Variants in PREPL observed in about 807,000 individuals in gnomAD.
PREPL encodes the protein prolyl endopeptidase like.
PREPL carries 77 observed loss-of-function variants against 70.6 expected under a neutral mutation model. That is an observed-to-expected ratio of 1.09 (90% confidence interval 0.91 to 1.32). The LOEUF (loss-of-function observed/expected upper bound fraction) is 1.32, where lower values mean the gene tolerates loss of function less well. Ranked by LOEUF, PREPL falls within the 40% of genes most tolerant of loss-of-function variation. The pLI, the probability that PREPL is intolerant of heterozygous loss-of-function variation, is 0.00. For missense variants in PREPL, 1,002 were observed against 778.2 expected (o/e 1.29, Z -3.42); for synonymous variants, 315 against 264.8 (o/e 1.19, Z -1.84).
rs2241870 is a variant in PREPL at position 44,322,065 on chromosome 2, A to G, written c.1754-165T>C. Among the ~76,000 whole-genome samples the G allele has an allele frequency of 0.69, 104,529 of 151,898 alleles. 36,789 individuals carry two copies. Among genetic ancestry groups the G allele is most frequent in the African/African-American group, 0.8 (33,035 of 41,432 alleles). On this transcript the variant is annotated intron_variant, in intron 12 of 13. Coordinates refer to ENST00000409411, the MANE Select transcript of PREPL (RefSeq NM_001171613.2). ...ACAAAAAGATGGGAGGGGACAAGCA[A>G]CAGAAGACAAACTTCTGACACAGCG...
chr2:44,326,504 T>C (rs1025146262), intron 10 of PREPL, among the ~76,000 whole-genome samples: 2 of 151,720 alleles, frequency 1.3e-5, no homozygotes, highest in Non-Finnish European at 2.9e-5. Context: ...GGTTTTTTTT[T>C]TTTTTTAATT....
intron 2 of PREPL, 51 bp from the exon 3 acceptor site, chr2:44,344,637 C>T: frequency 7.5e-7 from 1 of 1,336,204 alleles, no homozygotes; most frequent in Non-Finnish European, 1.0e-6. Flanking sequence ...TTAACCTTTT[C>T]ATAGTCTGAC....
At position 44,343,750 on chromosome 2, in the gene PREPL, C is replaced by T. The variant is rs1377292198; in HGVS notation, c.344G>A (p.Ser115Asn). ...TATTTTGGTTGGTGGCTTACCAAAACTGGACACATTCGGGAAAGAAGCTTC... is the reference window on the plus strand; with the variant it reads ...TATTTTGGTTGGTGGCTTACCAAAATTGGACACATTCGGGAAAGAAGCTTC... ...VMEASFPNVS[S>N]FEWVKDEEDE... The change falls in exon 4 of 14, where the codon AGT becomes AAT. Residue 115 changes from serine (S) to asparagine (N), a missense_variant. Transcript: ENST00000409411. 1 of 1,612,778 alleles carries T rather than the reference C, an allele frequency of 6.2e-7. No individual in the cohort carries two copies. The highest frequency in any genetic ancestry group is 8.5e-7 in the Non-Finnish European group (1 of 1,178,906).
intron 7 of PREPL, among the ~76,000 whole-genome samples, chr2:44,334,545 G>C (rs1674441885): frequency 6.6e-6 from 1 of 151,968 alleles, no homozygotes; most frequent in Non-Finnish European, 1.5e-5. Flanking sequence ...TGCTAAGATA[G>C]AATTTATTTA....
intron 9 of PREPL, 127 bp from the exon 10 acceptor site, chr2:44,327,055 T>A: frequency 1.3e-6 from 1 of 772,954 alleles, no homozygotes; most frequent in Non-Finnish European, 2.1e-6. Context: ...TTTTGCTTTT[T>A]AAAGGTTGAG....
At chr2:44,354,566 C>A (rs1180191703) in intron 1 of PREPL, among the ~76,000 whole-genome samples, 2 of 149,004 alleles carry the variant, frequency 1.3e-5, no homozygotes, top group Non-Finnish European at 2.9e-5. Flanking sequence ...TATATTTATC[C>A]TTTCCTCCTC....
intron 8 of PREPL, among the ~76,000 whole-genome samples, chr2:44,329,997 T>G (rs1367612251): frequency 6.6e-6 from 1 of 152,214 alleles, no homozygotes; most frequent in South Asian, 2.1e-4. Context: ...AAAACTTCAC[T>G]TTGGGGCAAT....
At chr2:44,329,914 G>T (rs74904752) in intron 8 of PREPL, among the ~76,000 whole-genome samples, 5,712 of 152,196 alleles carry the variant, frequency 0.038, 349 homozygotes, top group African/African-American at 0.13. Context: ...TTAAACTAAT[G>T]AAATAGCACC....
rs1672691740 is a variant in PREPL, at chr2:44,319,022, G to A, written c.*2334C>T. 1 of 152,174 alleles carries A rather than the reference G, an allele frequency of 6.6e-6. No homozygotes were observed. The highest frequency in any genetic ancestry group is 1.5e-5 in the Non-Finnish European group (1 of 68,044). The allele number at this position is 152,174 out of a possible 1,614,324, so 9.4% of individuals were successfully genotyped here. A position where few individuals can be genotyped will look rare whatever the true frequency, so the allele number is the denominator to read the frequency against. The stretch of plus-strand genomic sequence containing the variant: ...AACACTTACCGGGCACTTCTTATGT[G>A]AGTGGCACTGAAACATGTGCTTTCA... On this transcript the variant is annotated 3_prime_UTR_variant, in exon 14 of 14. Coordinates refer to ENST00000409411, the MANE Select transcript of PREPL (RefSeq NM_001171613.2).
At chr2:44,350,920 C>T (rs185167588) in intron 1 of PREPL, among the ~76,000 whole-genome samples, 281 of 151,988 alleles carry the variant, frequency 1.8e-3, no homozygotes, top group African/African-American at 6.2e-3. Context: ...CTTCACTGGC[C>T]CTTCCTTCTC....
rs1340727501 is a variant in PREPL, at chr2:44,322,783, A to G, written c.1701T>C (p.Tyr567=). 1.9e-6 allele frequency: 3 copies of G among 1,613,782 alleles called. No homozygotes were observed. The highest frequency in any genetic ancestry group is 1.3e-5 in the African/African-American group (1 of 74,882). The change falls in exon 12 of 14, where the codon TAT becomes TAC. Residue 567 remains tyrosine, a synonymous_variant. Transcript: ENST00000409411. ...ERVPLKGIVS[Y]TEKLKEAIAE... ...CGATGGCTTCCTTGAGTTTCTCAGT[A>G]TAACTTACAATTCCTTTCAGAGGTA...
chr2:44,353,535 C>G (rs1676679640), intron 1 of PREPL, among the ~76,000 whole-genome samples: 1 of 151,712 alleles, frequency 6.6e-6, no homozygotes, highest in South Asian at 2.1e-4. Context: ...TTGCAGTGAG[C>G]TGAGATGGCA....
At chr2:44,326,604 G>A in intron 10 of PREPL, 108 bp downstream of exon 10, 1 of 1,157,906 alleles carries the variant, frequency 8.6e-7, no homozygotes, top group Non-Finnish European at 1.3e-6. Flanking sequence ...CGAAGTGCTG[G>A]GATTACAGGC....
chr2:44,343,817 A>C lies in PREPL; in HGVS notation c.277T>G (p.Ser93Ala), dbSNP rs373911326. The part of the protein sequence containing the change: ...AKIRTEDSEA[S>A]TCVIIKLSDQ... ...CTGAGCTTTATAATTACACAGGTAG[A>C]TGCTTCAGAATCTTCAGTTCTTATC... The change falls in exon 4 of 14, where the codon TCT (serine) becomes GCT (alanine). Residue 93 changes from serine to alanine, a missense_variant. Ser to Ala is a moderately conservative substitution (Grantham distance 99). Transcript: ENST00000409411. 1 of 1,613,946 alleles carries C rather than the reference A, an allele frequency of 6.2e-7. No homozygotes were observed. The highest frequency in any genetic ancestry group is 8.5e-7 in the Non-Finnish European group (1 of 1,179,838).
chr2:44,338,543 G>A lies in PREPL; in HGVS notation c.703-7C>T. 6.3e-7 allele frequency: 1 copy of A among 1,594,470 alleles called. No individual in the cohort carries two copies. Among genetic ancestry groups the A allele is most frequent in the Non-Finnish European group, 8.5e-7 (1 of 1,174,314 alleles). ...CAGCCGCTGTTCTCATTAGCTACGT[G>A]GAACAAAGTTAGAAGACATATAGGT... On this transcript the variant is annotated splice_region_variant and splice_polypyrimidine_tract_variant and intron_variant, in intron 6 of 13. Coordinates refer to ENST00000409411, the MANE Select transcript of PREPL (RefSeq NM_001171613.2).
Position 44,338,407 on chromosome 2 carries a change from T to G in PREPL, c.832A>C (p.Asn278His). 1 of 1,613,658 alleles carries G rather than the reference T, an allele frequency of 6.2e-7. No individual in the cohort carries two copies. The highest frequency in any genetic ancestry group is 8.5e-7 in the Non-Finnish European group (1 of 1,179,862). Residue 278 changes from asparagine to histidine, a missense_variant, in exon 7 of 14, where the codon AAT becomes CAT. Asn to His is a moderately conservative substitution (Grantham distance 68). Transcript: ENST00000409411. ...DHCVLFLKHS[N>H]LLYVNVIGLA... is the part of the protein sequence containing the mutation. Reference sequence around the variant, plus strand: ...CCAATCACATTAACATAAAGGAGATTGCTGTGCTTCAGAAATAGAACACAG... The same window carrying G: ...CCAATCACATTAACATAAAGGAGATGGCTGTGCTTCAGAAATAGAACACAG...
rs553298606 is a variant in PREPL, at chr2:44,326,994, G to A, written c.1263-66C>T. 29 of 1,355,410 alleles carry A rather than the reference G, an allele frequency of 2.1e-5. No individual in the cohort carries two copies. In the African/African-American group the frequency reaches 2.5e-4, roughly 11 times the overall value. 84.0% of individuals were successfully genotyped at this position (1,355,410 alleles called of 1,614,324 possible). ...GTTAATACTGTAGGCTGGGGTCAGCGAACTACACCTGGAGGCCTGTTTTTT... is the reference window on the plus strand; with the variant it reads ...GTTAATACTGTAGGCTGGGGTCAGCAAACTACACCTGGAGGCCTGTTTTTT... On this transcript the variant is annotated intron_variant, in intron 9 of 13. Transcript: ENST00000409411.
At chr2:44,337,643 T>C (rs950028971) in intron 7 of PREPL, among the ~76,000 whole-genome samples, 3 of 152,204 alleles carry the variant, frequency 2.0e-5, no homozygotes, top group African/African-American at 7.2e-5. Flanking sequence ...TCCTCTTCCC[T>C]TCAGTGCCTA....
rs778692884 is a variant in PREPL, at chr2:44,342,418, T to C, written c.484A>G (p.Ser162Gly). The change falls in exon 5 of 14, where the codon AGC becomes GGC. Residue 162 changes from serine to glycine, a missense_variant and splice_region_variant. Physicochemically the swap from Ser to Gly is moderately conservative, Grantham distance 56 (BLOSUM62 0). Transcript: ENST00000409411. ...NERFYTEKDP[S>G]YFVFLYLTKD... Reference sequence around the variant, plus strand: ...GATTTAATTATATTATTCTAGTACCTTGGGTCTTTTTCTGTGTAAAAGCGT... The same window carrying C: ...GATTTAATTATATTATTCTAGTACCCTGGGTCTTTTTCTGTGTAAAAGCGT... 1.4e-5 allele frequency: 23 copies of C among 1,609,752 alleles called. No individual in the cohort carries two copies. The highest frequency in any genetic ancestry group is 2.0e-5 in the Non-Finnish European group (23 of 1,177,702).
Sources: allele counts gnomAD v4.1 joint callset (sites outside exome capture counted in the v4.1 genomes callset), GRCh38; gene constraint gnomAD v4.1.1; transcripts MANE v1.5; gene names NCBI Gene and HGNC (gene_info 2026-07-23, HGNC 2026-07-21).